Variants in AP3B2 observed in about 807,000 individuals in gnomAD.
The protein encoded by AP3B2 is adaptor related protein complex 3 subunit beta 2.
In AP3B2, 50 loss-of-function variants were observed where a neutral mutation model predicts 126.9. That is an observed-to-expected ratio of 0.39 (90% CI 0.31 to 0.50). AP3B2 has a LOEUF of 0.50. Among genes scored for constraint, AP3B2 ranks in the 20% least tolerant of loss-of-function variants. The pLI, the probability that AP3B2 is intolerant of heterozygous loss-of-function variation, is 0.79. For missense variants in AP3B2, 1,177 were observed against 1,426.4 expected (o/e 0.83, Z 2.82); for synonymous variants, 541 against 565.0 (o/e 0.96, Z 0.60).
chr15:82,682,712 T>G (rs547660292), intron 4 of AP3B2, among the ~76,000 whole-genome samples: 6 of 149,014 alleles, frequency 4.0e-5, no homozygotes, highest in Non-Finnish European at 3.0e-5. Context: ...CAGAGTGAGA[T>G]CCTATCTCCA....
intron 4 of AP3B2, among the ~76,000 whole-genome samples, chr15:82,684,553 C>G (rs1359290611): frequency 6.6e-6 from 1 of 152,188 alleles, no homozygotes; most frequent in African/African-American, 2.4e-5. Flanking sequence ...AGCAATAATC[C>G]TGTCTTGCTT....
chr15:82,671,889 T>C (rs891724507), intron 14 of AP3B2, among the ~76,000 whole-genome samples: 9 of 151,476 alleles, frequency 5.9e-5, no homozygotes, highest in African/African-American at 2.2e-4. Flanking sequence ...ACTAAAAATA[T>C]GAAAATTAGC....
Position 82,680,153 on chromosome 15 carries a change from C to G in AP3B2, c.1110+22G>C, listed in dbSNP as rs199903891. 453 of 1,612,710 alleles carry G rather than the reference C, an allele frequency of 2.8e-4. No individual in the cohort carries two copies. In the African/African-American group the frequency reaches 5.4e-3, roughly 19 times the overall value. On this transcript the variant is annotated intron_variant, in intron 9 of 26. Transcript: ENST00000535359. This position sits in a 1 kb window ranked among gnomAD's most constrained non-coding sequence, Gnocchi z 6.1. Reference sequence around the variant, plus strand: ...AGAAGCGGCCCTCGGACAGCGAGGACAGCCCGCCGTCGCAGGCTCACCCGG... The same window carrying G: ...AGAAGCGGCCCTCGGACAGCGAGGAGAGCCCGCCGTCGCAGGCTCACCCGG...
In AP3B2 at chr15:82,681,075, G is replaced by T. The variant is rs781596682; in HGVS notation, c.588+37C>A. ...CGCGAAGGGTGGAAGGCCGGCTGCC[G>T]GTCACCACCCCTCCCGGAGCGCCCC... On this transcript the variant is annotated intron_variant, in intron 6 of 26. Coordinates refer to ENST00000535359, the MANE Select transcript of AP3B2 (RefSeq NM_001278512.2). The surrounding 1 kb of genome is among the most constrained non-coding windows in gnomAD (Gnocchi z 4.0). The T allele has an allele frequency of 6.8e-6, 11 of 1,613,390 alleles. No individual in the cohort carries two copies. In the South Asian group the frequency reaches 9.9e-5, roughly 14 times the overall value.
Position 82,681,735 on chromosome 15 carries a change from TG to T in AP3B2, c.361-156del. The T allele has an allele frequency of 8.8e-6, 7 of 795,632 alleles. No individual in the cohort carries two copies. The highest frequency in any genetic ancestry group is 1.2e-5 in the Non-Finnish European group (6 of 515,986). 49.3% of individuals were successfully genotyped at this position (795,632 alleles called of 1,614,324 possible). ...GGATGGTGTGCCAGTGATGGGTATC[TG>T]GGGGACACTTAATTTTGGCTCTGGT... On this transcript the variant is annotated intron_variant, in intron 4 of 26. Coordinates refer to ENST00000535359, the MANE Select transcript of AP3B2 (RefSeq NM_001278512.2). This position sits in a 1 kb window ranked among gnomAD's most constrained non-coding sequence, Gnocchi z 4.0.
chr15:82,689,502 G>A (rs776507601), intron 1 of AP3B2, 49 bp from the exon 2 acceptor site: 5 of 1,572,964 alleles, frequency 3.2e-6, no homozygotes, highest in Admixed American at 1.8e-5. Flanking sequence ...GTGGGGATGG[G>A]GTATTAATCA....
chr15:82,706,137 T>C (rs923224475), intron 1 of AP3B2, among the ~76,000 whole-genome samples: 4 of 152,150 alleles, frequency 2.6e-5, no homozygotes, highest in African/African-American at 9.7e-5. Flanking sequence ...CTTTAATACT[T>C]TCAGAGGCCC....
At chr15:82,676,189 A>G (rs1295014977) in intron 14 of AP3B2, among the ~76,000 whole-genome samples, 1 of 152,180 alleles carries the variant, frequency 6.6e-6, no homozygotes, top group East Asian at 1.9e-4. Context: ...TCACAGCCCC[A>G]GAGTTCCAAG....
intron 9 of AP3B2, 81 bp from the exon 10 acceptor site, chr15:82,679,881 AC>A: frequency 7.6e-7 from 1 of 1,316,448 alleles, no homozygotes; most frequent in Non-Finnish European, 1.1e-6. Context: ...TCCTATCCTG[AC>A]CCAGCGCCCA....
chr15:82,663,106 C>T, intron 22 of AP3B2, 21 bp downstream of exon 22: 1 of 1,591,360 alleles, frequency 6.3e-7, no homozygotes, highest in Non-Finnish European at 8.6e-7. Flanking sequence ...CCAGCCCGGT[C>T]CCCTCCTCCA....
At chr15:82,675,377 T>A (rs902404193) in intron 14 of AP3B2, among the ~76,000 whole-genome samples, 4 of 152,212 alleles carry the variant, frequency 2.6e-5, no homozygotes, top group Non-Finnish European at 5.9e-5. Context: ...TGGCCCTGCC[T>A]ACCTCACCTT....
intron 23 of AP3B2, 193 bp downstream of exon 23, chr15:82,662,501 C>T (rs2047968914): frequency 2.9e-6 from 2 of 679,672 alleles, no homozygotes; most frequent in Non-Finnish European, 4.9e-6. Context: ...CTGCTGCAAG[C>T]ACCTCCCGCC....
At chr15:82,690,857 C>T (rs1287000717) in intron 1 of AP3B2, among the ~76,000 whole-genome samples, 2 of 151,822 alleles carry the variant, frequency 1.3e-5, no homozygotes, top group Admixed American at 1.3e-4. Context: ...GGGGTTTCAC[C>T]GTGTTAGCCA....
intron 21 of AP3B2, 151 bp downstream of exon 21, chr15:82,663,409 G>A (rs2047991830): frequency 9.4e-7 from 1 of 1,059,326 alleles, no homozygotes. Context: ...GGGGAGGTCA[G>A]CCCTGCTGCC....
intron 14 of AP3B2, among the ~76,000 whole-genome samples, chr15:82,668,916 T>C (rs2048103142): frequency 6.6e-6 from 1 of 152,232 alleles, no homozygotes; most frequent in Non-Finnish European, 1.5e-5. Flanking sequence ...CCAACATACA[T>C]GCTACCTTGC....
At chr15:82,673,956 C>A (rs779143010) in intron 14 of AP3B2, among the ~76,000 whole-genome samples, 17 of 152,218 alleles carry the variant, frequency 1.1e-4, no homozygotes, top group Non-Finnish European at 1.8e-4. Flanking sequence ...AGGCAGTTTC[C>A]CCAGGGTCTA....
intron 12 of AP3B2, 35 bp from the exon 13 acceptor site, chr15:82,677,418 C>G: frequency 6.3e-7 from 1 of 1,583,266 alleles, no homozygotes; most frequent in African/African-American, 1.3e-5. Flanking sequence ...GACCCCAAGA[C>G]AGTCAGATGG....
At position 82,661,855 on chromosome 15, in the gene AP3B2, T is replaced by A; in HGVS notation, c.2986A>T (p.Met996Leu). Reference sequence around the variant, plus strand: ...TCCTTCTTAAACTCATTTTCACTCATGAACACAGGGGCCATCAGCTCCCCA... The same window carrying A: ...TCCTTCTTAAACTCATTTTCACTCAAGAACACAGGGGCCATCAGCTCCCCA... Reference protein sequence around the residue: ...PVGELMAPVFMSENEFKKEQG... With the variant: ...PVGELMAPVFLSENEFKKEQG... Residue 996 changes from methionine (M) to leucine (L), a missense_variant, in exon 25 of 27, where the codon ATG (methionine) becomes TTG (leucine). Met to Leu is a conservative substitution (Grantham distance 15, BLOSUM62 2). Coordinates refer to ENST00000535359, the MANE Select transcript of AP3B2 (RefSeq NM_001278512.2). The A allele has an allele frequency of 6.2e-7, 1 of 1,613,632 alleles. No individual in the cohort carries two copies. The highest frequency in any genetic ancestry group is 8.5e-7 in the Non-Finnish European group (1 of 1,179,794).
At chr15:82,678,833 G>A (rs1481387715) in intron 10 of AP3B2, among the ~76,000 whole-genome samples, 1 of 152,206 alleles carries the variant, frequency 6.6e-6, no homozygotes, top group Non-Finnish European at 1.5e-5. Flanking sequence ...GCTCCACAAA[G>A]GCAGGGTCCC....
Sources: gnomAD v4.1 joint callset for allele counts (sites outside exome capture counted in the v4.1 genomes callset) on GRCh38, gnomAD v4.1.1 for gene constraint, Gnocchi (gnomAD v3.1) non-coding constraint, MANE v1.5 for transcripts, NCBI Gene and HGNC (gene_info 2026-07-23, HGNC 2026-07-21) for gene names.